Variants in LPP observed in about 807,000 individuals in gnomAD.
LPP encodes lipoma-preferred partner.
A neutral mutation model predicts 60.4 loss-of-function variants in LPP; 38 were observed. The ratio of observed to expected loss-of-function variants is 0.63; its 90% CI spans 0.49 to 0.83. The LOEUF is 0.83. Among genes scored for constraint, LPP ranks in the 40% least tolerant of loss-of-function variants. The pLI, the probability that LPP is intolerant of heterozygous loss-of-function variation, is 0.00. For synonymous variants in LPP, 328 were observed against 290.8 expected, an observed-to-expected ratio of 1.13 and a Z score of -1.30; for missense variants, 902 against 783.6, an observed-to-expected ratio of 1.15 and a Z score of -1.80.
intron 7 of LPP, among the ~76,000 whole-genome samples, chr3:188,698,997 C>G (rs1291319399): frequency 6.6e-6 from 1 of 152,192 alleles, no homozygotes. Context: ...CATTCTGCTT[C>G]CAAGAAGAAA....
chr3:188,683,257 C>T (rs777664024), intron 7 of LPP, among the ~76,000 whole-genome samples: 4 of 151,650 alleles, frequency 2.6e-5, no homozygotes, highest in Admixed American at 1.3e-4. Flanking sequence ...GTTCTCTGAC[C>T]GTGAGTCAGA....
intron 9 of LPP, among the ~76,000 whole-genome samples, chr3:188,842,597 A>G (rs1175479051): frequency 6.6e-6 from 1 of 152,182 alleles, no homozygotes; most frequent in Non-Finnish European, 1.5e-5. Context: ...CCCAATCCAA[A>G]GAACATTCAT....
intron 6 of LPP, among the ~76,000 whole-genome samples, chr3:188,564,105 T>G (rs1231258145): frequency 2.6e-5 from 4 of 152,036 alleles, no homozygotes; most frequent in Admixed American, 1.3e-4. Context: ...AAAAAATACC[T>G]TTAGCTTATT....
intron 2 of LPP, among the ~76,000 whole-genome samples, chr3:188,244,777 G>C (rs368639107): frequency 9.2e-5 from 14 of 152,098 alleles, no homozygotes; most frequent in Admixed American, 8.5e-4. Flanking sequence ...CACACTGCCT[G>C]GTGTCTACTC....
chr3:188,648,355 T>C (rs1851474728), intron 7 of LPP, among the ~76,000 whole-genome samples: 1 of 152,134 alleles, frequency 6.6e-6, no homozygotes, highest in Admixed American at 6.5e-5. Context: ...TGGGAATCCA[T>C]TGAGCTCACA....
intron 4 of LPP, among the ~76,000 whole-genome samples, chr3:188,455,668 T>C (rs1797576019): frequency 6.6e-6 from 1 of 152,138 alleles, no homozygotes; most frequent in African/African-American, 2.4e-5. Context: ...AAGGGCAATG[T>C]TGGTGAATAT....
At chr3:188,272,533 A>G (rs1332452988) in intron 2 of LPP, among the ~76,000 whole-genome samples, 1 of 152,010 alleles carries the variant, frequency 6.6e-6, no homozygotes, top group Non-Finnish European at 1.5e-5. Flanking sequence ...CTTTACTTTG[A>G]GCTCTCTGTG....
Position 188,441,609 on chromosome 3 carries a change from C to CTTTCTTTTTTTTTTTTT in LPP, c.193+35299_193+35300insCTTTTTTTTTTTTTTTT, listed in dbSNP as rs1793886236. On this transcript the variant is annotated intron_variant, in intron 4 of 11. Transcript: ENST00000617246. The stretch of plus-strand genomic sequence containing the variant: ...ACAGTTTCTTTTTTTCTTTTCTTTT[C>CTTTCTTTTTTTTTTTTT]TTTTTTTTTTTTTTTTTTTTTTTTT... Among the ~76,000 whole-genome samples, 10 of 55,670 alleles carry CTTTCTTTTTTTTTTTTT rather than the reference C, an allele frequency of 1.8e-4. 1 individual carries two copies. The highest frequency in any genetic ancestry group is 2.4e-4 in the Non-Finnish European group (7 of 29,436). The allele number at this position is 55,670 out of a possible 152,430, so 36.5% of individuals were successfully genotyped here. A position where few individuals can be genotyped will look rare whatever the true frequency, so the allele number is the denominator to read the frequency against.
chr3:188,198,228 C>T (rs1359086856), intron 1 of LPP, among the ~76,000 whole-genome samples: 1 of 152,226 alleles, frequency 6.6e-6, no homozygotes, highest in Admixed American at 6.5e-5. Flanking sequence ...ATAAGTTGCC[C>T]CAGGCCACCA....
At chr3:188,608,007 G>A (rs756007201) in intron 6 of LPP, among the ~76,000 whole-genome samples, 2 of 152,074 alleles carry the variant, frequency 1.3e-5, no homozygotes, top group Non-Finnish European at 2.9e-5. Context: ...TTAATGGGGG[G>A]AGAGTGGTGT....
At chr3:188,464,465 G>T (rs1303276617) in intron 4 of LPP, among the ~76,000 whole-genome samples, 1 of 152,178 alleles carries the variant, frequency 6.6e-6, no homozygotes, top group Non-Finnish European at 1.5e-5. Flanking sequence ...ACTGCAGAAA[G>T]TTCTGTGGTG....
At chr3:188,771,549 C>CAAAAAAAAAAAAA (rs66712771) in intron 9 of LPP, among the ~76,000 whole-genome samples, 8 of 108,930 alleles carry the variant, frequency 7.3e-5, no homozygotes, top group Admixed American at 2.2e-4. Flanking sequence ...GACTCCATCT[C>CAAAAAAAAAAAAA]AAAAAAAAAA....
In LPP at chr3:188,887,051, T is replaced by A. The variant is rs1770764902; in HGVS notation, c.*12572T>A. 4.3e-6 allele frequency: 1 copy of A among 230,866 alleles called. No individual in the cohort carries two copies. The highest frequency in any genetic ancestry group is 1.8e-4 in the South Asian group (1 of 5,510). The allele number at this position is 230,866 out of a possible 1,614,324, so 14.3% of individuals were successfully genotyped here. A position where few individuals can be genotyped will look rare whatever the true frequency, so the allele number is the denominator to read the frequency against. On this transcript the variant is annotated 3_prime_UTR_variant, in exon 12 of 12. Coordinates refer to ENST00000617246, the MANE Select transcript of LPP (RefSeq NM_001375462.1). ...GAACTATTCTTGGTCATTATTGATGTATTGTGTTGCCACTTTGTATGGTGC... is the reference window on the plus strand; with the variant it reads ...GAACTATTCTTGGTCATTATTGATGAATTGTGTTGCCACTTTGTATGGTGC...
Position 188,609,489 on chromosome 3 carries a change from C to T in LPP, c.758C>T (p.Thr253Ile). The T allele has an allele frequency of 1.2e-6, 2 of 1,614,224 alleles. No homozygotes were observed. The highest frequency in any genetic ancestry group is 2.2e-5 in the East Asian group (1 of 44,880). Residue 253 changes from threonine (T) to isoleucine (I), a missense_variant, in exon 7 of 12, where the codon ACT (threonine) becomes ATT (isoleucine). Physicochemically the swap from Thr to Ile is moderately conservative, Grantham distance 89. Transcript: ENST00000617246. The surrounding 1 kb of genome is among the most constrained non-coding windows in gnomAD (Gnocchi z 6.9). Reference sequence around the variant, plus strand: ...GGCTCAGGGCCCCAGGGCTATAACACTCAGCCAGTTCCTGTCTCTGGGCAG... The same window carrying T: ...GGCTCAGGGCCCCAGGGCTATAACATTCAGCCAGTTCCTGTCTCTGGGCAG... Reference protein sequence around the residue: ...IYGSGPQGYNTQPVPVSGQCP... With the variant: ...IYGSGPQGYNIQPVPVSGQCP...
intron 2 of LPP, among the ~76,000 whole-genome samples, chr3:188,269,311 A>G (rs1274082376): frequency 6.6e-6 from 1 of 151,284 alleles, no homozygotes; most frequent in Non-Finnish European, 1.5e-5. Flanking sequence ...AGTTGTTTCT[A>G]TTTCTGGGGT....
intron 4 of LPP, among the ~76,000 whole-genome samples, chr3:188,424,248 A>G (rs866348427): frequency 2.6e-5 from 4 of 152,156 alleles, no homozygotes; most frequent in African/African-American, 7.2e-5. Context: ...CAGATTTGTC[A>G]GAGATCAGAT....
chr3:188,685,569 G>A (rs1276552583), intron 7 of LPP, among the ~76,000 whole-genome samples: 4 of 152,122 alleles, frequency 2.6e-5, no homozygotes, highest in African/African-American at 4.8e-5. Flanking sequence ...TTACGGGTCC[G>A]GGACCCGCAT....
chr3:188,170,197 T>C (rs772358969), intron 1 of LPP, among the ~76,000 whole-genome samples: 5 of 152,246 alleles, frequency 3.3e-5, no homozygotes, highest in Non-Finnish European at 5.9e-5. Context: ...ACTGCGTGAC[T>C]GCCCATCTGC....
intron 1 of LPP, among the ~76,000 whole-genome samples, chr3:188,155,789 G>A (rs1320267027): frequency 6.6e-6 from 1 of 152,134 alleles, no homozygotes; most frequent in Admixed American, 6.5e-5. Context: ...CAAGGCGGGC[G>A]GATTGCCTGA....
Sources: allele counts gnomAD v4.1 joint callset (sites outside exome capture counted in the v4.1 genomes callset), GRCh38; gene constraint gnomAD v4.1.1; non-coding constraint Gnocchi (gnomAD v3.1); transcripts MANE v1.5; gene names NCBI Gene and HGNC (gene_info 2026-07-23, HGNC 2026-07-21).